Variants in CAMTA1 observed in about 807,000 individuals in gnomAD.
CAMTA1 encodes the protein calmodulin-binding transcription activator 1.
CAMTA1 carries 27 observed loss-of-function variants against 170.9 expected under a neutral mutation model. The observed-to-expected ratio is 0.16, with a 90% CI of 0.12 to 0.22. CAMTA1 has a LOEUF of 0.22. Ranked by LOEUF, CAMTA1 falls within the 10% of genes least tolerant of loss-of-function variation. CAMTA1 has a pLI of 1.00. For missense variants in CAMTA1, 1,619 were observed against 2,217.2 expected (o/e 0.73, Z 5.42); for synonymous variants, 833 against 891.5 (o/e 0.93, Z 1.17).
intron 3 of CAMTA1, among the ~76,000 whole-genome samples, chr1:6,860,964 C>CTTT (rs1247559136): frequency 1.6e-5 from 2 of 127,882 alleles, no homozygotes; most frequent in African/African-American, 2.9e-5. Flanking sequence ...GTGTGACTTA[C>CTTT]TTTTTTTTTT....
intron 3 of CAMTA1, among the ~76,000 whole-genome samples, chr1:6,943,864 A>G (rs868379025): frequency 1.3e-3 from 131 of 104,062 alleles, no homozygotes; most frequent in Middle Eastern, 4.5e-3. Context: ...AAAAAAAAAA[A>G]AAAAGAAAAA....
chr1:6,969,417 C>G (rs1010896176), intron 3 of CAMTA1, among the ~76,000 whole-genome samples: 1 of 152,164 alleles, frequency 6.6e-6, no homozygotes, highest in Non-Finnish European at 1.5e-5. Flanking sequence ...TTCCTGGGCT[C>G]CAGCCGTTGG....
intron 6 of CAMTA1, among the ~76,000 whole-genome samples, chr1:7,628,641 A>G (rs2095648925): frequency 6.6e-6 from 1 of 152,224 alleles, no homozygotes; most frequent in African/African-American, 2.4e-5. Context: ...AGATGCCTCA[A>G]TGACTGTTTG....
chr1:7,051,830 T>C (rs1417361527), intron 3 of CAMTA1, among the ~76,000 whole-genome samples: 1 of 151,960 alleles, frequency 6.6e-6, no homozygotes, highest in Non-Finnish European at 1.5e-5. Context: ...AGTCTACCCT[T>C]GCCCCTGGAC....
rs1360138252 is a variant in CAMTA1, at chr1:7,455,497, G to C, written c.439-12333G>C. Among the ~76,000 whole-genome samples, 10 of 152,226 alleles carry C rather than the reference G, an allele frequency of 6.6e-5. No homozygotes were observed. In the South Asian group the frequency reaches 1.0e-3, roughly 16 times the overall value. ...ACTCCTCTTAATGTCCTGGCAGACA[G>C]CTCAGCCTTGCATTAACATAGCCAC... On this transcript the variant is annotated intron_variant, in intron 5 of 22. Coordinates refer to ENST00000303635, the MANE Select transcript of CAMTA1 (RefSeq NM_015215.4). This position sits in a 1 kb window ranked among gnomAD's most constrained non-coding sequence, Gnocchi z 5.0.
At chr1:7,597,292 G>A (rs975072382) in intron 6 of CAMTA1, among the ~76,000 whole-genome samples, 17 of 152,158 alleles carry the variant, frequency 1.1e-4, no homozygotes, top group African/African-American at 3.9e-4. Context: ...GAACTGGTGC[G>A]AGGACAAGAT....
At chr1:6,926,392 C>A (rs2149347354) in intron 3 of CAMTA1, among the ~76,000 whole-genome samples, 1 of 145,958 alleles carries the variant, frequency 6.9e-6, no homozygotes, top group East Asian at 2.1e-4. Context: ...CTCTGTCTTC[C>A]TTCCTCCCTC....
rs1032702850 is a variant in CAMTA1, at chr1:7,014,512, G to T, written c.235-76792G>T. On this transcript the variant is annotated intron_variant, in intron 3 of 22. Transcript: ENST00000303635. The surrounding 1 kb of genome is among the most constrained non-coding windows in gnomAD (Gnocchi z 4.2). ...CCCATTAGACAGGGCATGGTGAGGC[G>T]AATGGCTGCAGGGACTGAGGCCTTT... Among the ~76,000 whole-genome samples, 1 of 152,194 alleles carries T rather than the reference G, an allele frequency of 6.6e-6. No individual in the cohort carries two copies. Among genetic ancestry groups the T allele is most frequent in the African/African-American group, 2.4e-5 (1 of 41,450 alleles).
chr1:6,823,210 T>C (rs1204123768), intron 2 of CAMTA1, among the ~76,000 whole-genome samples: 1 of 152,122 alleles, frequency 6.6e-6, no homozygotes, highest in Non-Finnish European at 1.5e-5. Context: ...AGGTAAAGGC[T>C]CACGTGATCT....
rs777365539 is a variant in CAMTA1, at chr1:7,745,860, G to A, written c.4386G>A (p.Glu1462=). 14 of 1,614,054 alleles carry A rather than the reference G, an allele frequency of 8.7e-6. No homozygotes were observed. In the South Asian group the frequency reaches 1.5e-4, roughly 18 times the overall value. Residue 1462 remains glutamate, a synonymous_variant, in exon 18 of 23, where the codon GAG becomes GAA. Transcript: ENST00000303635. ...CTTGTTTCAGAAGTGCATATAACGA[G>A]CCTCTAACCCCTTCTTCTAATACCA... ...SAAQIRSAYN[E]PLTPSSNTSL... is the part of the protein sequence containing the mutation.
At chr1:7,726,566 T>G (rs1274914828) in intron 11 of CAMTA1, among the ~76,000 whole-genome samples, 2 of 152,162 alleles carry the variant, frequency 1.3e-5, no homozygotes, top group African/African-American at 4.8e-5. Context: ...TTGGGTAAAA[T>G]GCTTAGGATG....
intron 7 of CAMTA1, among the ~76,000 whole-genome samples, chr1:7,655,247 CACCTATACACACAG>C (rs1455077404): frequency 5.0e-4 from 74 of 148,228 alleles, no homozygotes; most frequent in African/African-American, 1.8e-3. Context: ...TATACACACA[CACCTATACACACAG>C]ACCCACCTAT....
intron 4 of CAMTA1, among the ~76,000 whole-genome samples, chr1:7,172,609 A>T (rs778124364): frequency 6.6e-6 from 1 of 152,222 alleles, no homozygotes; most frequent in Non-Finnish European, 1.5e-5. Context: ...CTGCACACAC[A>T]TCTGATGAGG....
Position 6,965,809 on chromosome 1 carries a change from C to T in CAMTA1, c.235-125495C>T, listed in dbSNP as rs899002103. 5.3e-5 allele frequency among the ~76,000 whole-genome samples: 8 copies of T among 152,146 alleles called. No individual in the cohort carries two copies. The highest frequency in any genetic ancestry group is 2.4e-5 in the African/African-American group (1 of 41,428). The stretch of plus-strand genomic sequence containing the variant: ...ATGAGGTCTGGATGGAGCCTGAATG[C>T]GGCATTAACTGCATATCAGAGACCC... On this transcript the variant is annotated intron_variant, in intron 3 of 22. Coordinates refer to ENST00000303635, the MANE Select transcript of CAMTA1 (RefSeq NM_015215.4). This position sits in a 1 kb window ranked among gnomAD's most constrained non-coding sequence, Gnocchi z 4.1.
At chr1:7,432,197 G>A (rs1029876298) in intron 5 of CAMTA1, among the ~76,000 whole-genome samples, 45 of 152,174 alleles carry the variant, frequency 3.0e-4, no homozygotes, top group African/African-American at 9.7e-4. Context: ...TAGGTGCCAG[G>A]AGCATCCGTA....
At chr1:6,924,238 G>A (rs1301966717) in intron 3 of CAMTA1, among the ~76,000 whole-genome samples, 1 of 152,244 alleles carries the variant, frequency 6.6e-6, no homozygotes, top group Non-Finnish European at 1.5e-5. Flanking sequence ...TCTAGCTGGG[G>A]AGACTGGAAA....
rs548325478 is a variant in CAMTA1 at position 6,798,584 on chromosome 1, A to ATTT, written c.45+13030_45+13032dup. 5.3e-4 allele frequency among the ~76,000 whole-genome samples: 62 copies of ATTT among 117,620 alleles called. 1 individual carries two copies. The highest frequency in any genetic ancestry group is 1.2e-3 in the Admixed American group (15 of 12,038). The allele number at this position is 117,620 out of a possible 152,430, so 77.2% of individuals were successfully genotyped here. A position where few individuals can be genotyped will look rare whatever the true frequency, so the allele number is the denominator to read the frequency against. ...AGGCGCCCACCACCACACCTGGCTA[A>ATTT]TTTTTTTTTTTTTTTTTTTTTTTGA... On this transcript the variant is annotated intron_variant, in intron 1 of 22. Transcript: ENST00000303635.
chr1:7,653,710 A>T (rs1005141479), intron 7 of CAMTA1, among the ~76,000 whole-genome samples: 1 of 152,228 alleles, frequency 6.6e-6, no homozygotes, highest in South Asian at 2.1e-4. Context: ...CAATTAAAAA[A>T]AAAAGTGCTA....
intron 4 of CAMTA1, among the ~76,000 whole-genome samples, chr1:7,197,890 T>C (rs555603848): frequency 6.6e-6 from 1 of 151,952 alleles, no homozygotes; most frequent in South Asian, 2.1e-4. Flanking sequence ...GGGGAAGCCG[T>C]ATCTTCCCCT....
Sources: gnomAD v4.1 joint callset for allele counts (sites outside exome capture counted in the v4.1 genomes callset) on GRCh38, gnomAD v4.1.1 for gene constraint, Gnocchi (gnomAD v3.1) non-coding constraint, MANE v1.5 for transcripts, NCBI Gene and HGNC (gene_info 2026-07-23, HGNC 2026-07-21) for gene names.